C12orf56: variants seen among roughly 807,000 people sequenced by gnomAD.
C12orf56 encodes chromosome 12 open reading frame 56, also known as uncharacterized protein C12orf56.
A neutral mutation model predicts 69.9 loss-of-function variants in C12orf56; 71 were observed. That is an observed-to-expected ratio of 1.02 (90% confidence interval 0.84 to 1.24). C12orf56 has a LOEUF of 1.24. Ranked by LOEUF, C12orf56 falls within the 50% of genes most tolerant of loss-of-function variation. C12orf56 has a pLI of 0.00. For synonymous variants in C12orf56, 276 were observed against 274.1 expected, an observed-to-expected ratio of 1.01 and a Z score of -0.07; for missense variants, 732 against 738.5, an observed-to-expected ratio of 0.99 and a Z score of 0.10.
At chr12:64,286,712 A>T (rs10878135) in intron 6 of C12orf56, among the ~76,000 whole-genome samples, 1 of 152,072 alleles carries the variant, frequency 6.6e-6, no homozygotes, top group Admixed American at 6.5e-5. Context: ...TGAGAAATGT[A>T]ATGTAATTGC....
Position 64,318,848 on chromosome 12 carries a change from A to G in C12orf56, c.621T>C (p.Ser207=). Residue 207 remains serine, a synonymous_variant, in exon 4 of 13, where the codon TCT becomes TCC. Transcript: ENST00000543942. ...TGACAGCCTTGCCAGTTGTTGGTGC[A>G]GACTGAGAGCTCCTCCTGGAGGGGG... ...LPSPSRRSSQ[S]APTTGKAVSE... 1.3e-6 allele frequency: 2 copies of G among 1,537,222 alleles called. No individual in the cohort carries two copies. Among genetic ancestry groups the G allele is most frequent in the South Asian group, 1.2e-5 (1 of 84,064 alleles).
chr12:64,359,896 G>A (rs2039375798), intron 1 of C12orf56, among the ~76,000 whole-genome samples: 1 of 151,858 alleles, frequency 6.6e-6, no homozygotes, highest in East Asian at 2.0e-4. Flanking sequence ...TGTAGTTTTA[G>A]TAAAGATGGG....
intron 6 of C12orf56, among the ~76,000 whole-genome samples, chr12:64,286,749 G>T (rs943221659): frequency 2.6e-5 from 4 of 152,132 alleles, no homozygotes; most frequent in Non-Finnish European, 4.4e-5. Context: ...TCTATTGTTC[G>T]TTTTTTCCCC....
intron 8 of C12orf56, among the ~76,000 whole-genome samples, chr12:64,279,577 T>C (rs960892909): frequency 6.6e-6 from 1 of 152,210 alleles, no homozygotes; most frequent in African/African-American, 2.4e-5. Flanking sequence ...TTTAGTAGGA[T>C]CTGAGGCTTT....
chr12:64,299,192 A>T (rs1337396802), intron 6 of C12orf56, among the ~76,000 whole-genome samples: 2 of 151,976 alleles, frequency 1.3e-5, no homozygotes, highest in Admixed American at 1.3e-4. Context: ...TTTGTCTGTT[A>T]TTGGTGTATA....
In C12orf56 at chr12:64,270,749, G is replaced by GT. The variant is rs559418283; in HGVS notation, c.1585-36dup. 1,196 of 1,528,170 alleles carry GT rather than the reference G, an allele frequency of 7.8e-4. 2 individuals carry two copies. Among genetic ancestry groups the GT allele is most frequent in the Non-Finnish European group, 1.0e-3 (1,137 of 1,135,328 alleles). The allele number at this position is 1,528,170 out of a possible 1,614,324, so 94.7% of individuals were successfully genotyped here. ...GAAAATACAGTTACATGTAGGCTGTGTGCCACCCACAAAAGCAACTATTTC... is the reference window on the plus strand; with the variant it reads ...GAAAATACAGTTACATGTAGGCTGTGTTGCCACCCACAAAAGCAACTATTTC... On this transcript the variant is annotated intron_variant, in intron 11 of 12. Coordinates refer to ENST00000543942, the MANE Select transcript of C12orf56 (RefSeq NM_001170633.2).
At chr12:64,333,501 A>T (rs1166636584) in intron 2 of C12orf56, among the ~76,000 whole-genome samples, 5 of 149,996 alleles carry the variant, frequency 3.3e-5, no homozygotes, top group Non-Finnish European at 5.9e-5. Flanking sequence ...ATTTATTTTT[A>T]TTTATTTTTT....
chr12:64,273,872 C>T (rs1468225982), intron 11 of C12orf56, among the ~76,000 whole-genome samples: 2 of 152,166 alleles, frequency 1.3e-5, no homozygotes, highest in East Asian at 3.8e-4. Flanking sequence ...CGCCTCCACC[C>T]CACAATTTCA....
At chr12:64,358,290 T>C (rs144749222) in intron 1 of C12orf56, among the ~76,000 whole-genome samples, 4,352 of 151,638 alleles carry the variant, frequency 0.029, 204 homozygotes, top group African/African-American at 0.1. Flanking sequence ...TAACTCCGTC[T>C]ATACTAAAAA....
At chr12:64,377,974 C>T (rs1423859862) in intron 1 of C12orf56, among the ~76,000 whole-genome samples, 1 of 152,154 alleles carries the variant, frequency 6.6e-6, no homozygotes, top group Non-Finnish European at 1.5e-5. Flanking sequence ...AATGGACAAC[C>T]TTGGGCAAAT....
At chr12:64,278,584 C>T (rs1413820810) in intron 8 of C12orf56, among the ~76,000 whole-genome samples, 1 of 152,178 alleles carries the variant, frequency 6.6e-6, no homozygotes, top group Non-Finnish European at 1.5e-5. Flanking sequence ...CATCACCTCA[C>T]ATGCTTATTT....
intron 1 of C12orf56, among the ~76,000 whole-genome samples, chr12:64,369,276 C>T (rs938440852): frequency 6.6e-6 from 1 of 152,094 alleles, no homozygotes; most frequent in Non-Finnish European, 1.5e-5. Flanking sequence ...TGGCTCACTG[C>T]AACCTCTGCC....
At chr12:64,321,283 C>CT (rs2038769426) in intron 3 of C12orf56, among the ~76,000 whole-genome samples, 1 of 151,968 alleles carries the variant, frequency 6.6e-6, no homozygotes, top group Admixed American at 6.6e-5. Context: ...GAAGTTTATC[C>CT]TTTTACATTA....
At chr12:64,320,061 A>G (rs556627817) in intron 3 of C12orf56, among the ~76,000 whole-genome samples, 1 of 152,328 alleles carries the variant, frequency 6.6e-6, no homozygotes, top group South Asian at 2.1e-4. Context: ...TGAGACGCCC[A>G]GTGCCGCTCC....
intron 1 of C12orf56, chr12:64,355,628 A>G (rs1334315807): frequency 1.3e-5 from 2 of 152,216 alleles, no homozygotes; most frequent in Admixed American, 1.3e-4. Flanking sequence ...AGCCTTGGGC[A>G]GATATTAAAT....
chr12:64,302,482 G>A (rs2038459393), intron 6 of C12orf56, among the ~76,000 whole-genome samples: 1 of 152,182 alleles, frequency 6.6e-6, no homozygotes, highest in Middle Eastern at 3.2e-3. Context: ...AAATAGCCAG[G>A]ACTGTCTTGT....
intron 6 of C12orf56, among the ~76,000 whole-genome samples, chr12:64,301,262 G>A (rs998282303): frequency 1.3e-5 from 2 of 152,194 alleles, no homozygotes; most frequent in Non-Finnish European, 2.9e-5. Flanking sequence ...AGGCTGGGAT[G>A]TAACAAAAAC....
intron 1 of C12orf56, among the ~76,000 whole-genome samples, chr12:64,376,251 A>T (rs780589513): frequency 6.6e-6 from 1 of 152,196 alleles, no homozygotes. Flanking sequence ...TTCTTCAAGC[A>T]TCTTGACAAC....
At chr12:64,307,561 G>T (rs888580182) in intron 5 of C12orf56, among the ~76,000 whole-genome samples, 5 of 151,776 alleles carry the variant, frequency 3.3e-5, no homozygotes, top group Non-Finnish European at 7.4e-5. Flanking sequence ...TAGAGACAGG[G>T]TTTCACCATG....
Sources: allele counts gnomAD v4.1 joint callset (sites outside exome capture counted in the v4.1 genomes callset), GRCh38; gene constraint gnomAD v4.1.1; transcripts MANE v1.5; gene names NCBI Gene and HGNC (gene_info 2026-07-23, HGNC 2026-07-21).